Variants in BMAL2 observed in about 807,000 individuals in gnomAD.
The protein encoded by BMAL2 is basic helix-loop-helix ARNT like 2, also known as basic helix-loop-helix ARNT-like protein 2.
chr12:27,358,091 G>A, the BMAL2 span, among the ~76,000 whole-genome samples: 1 of 152,052 alleles, frequency 6.6e-6, no homozygotes, highest in East Asian at 1.9e-4. Flanking sequence ...AGCAAAAGAA[G>A]TAATCAGCAG....
the BMAL2 span, among the ~76,000 whole-genome samples, chr12:27,378,524 G>A: frequency 6.6e-6 from 1 of 152,230 alleles, no homozygotes; most frequent in Non-Finnish European, 1.5e-5. Flanking sequence ...GTGAGGATGA[G>A]CAAGTCTTCA....
the BMAL2 span, among the ~76,000 whole-genome samples, chr12:27,388,803 C>T: frequency 6.6e-6 from 1 of 152,148 alleles, no homozygotes; most frequent in Non-Finnish European, 1.5e-5. Flanking sequence ...GATAAAGTCA[C>T]AGATATTCTG....
At chr12:27,365,712 T>C in the BMAL2 span, among the ~76,000 whole-genome samples, 13 of 139,862 alleles carry the variant, frequency 9.3e-5, no homozygotes, top group Admixed American at 1.4e-4. Flanking sequence ...ATCTCAATTA[T>C]GACCCCAAAT....
chr12:27,384,846 A>G, the BMAL2 span, among the ~76,000 whole-genome samples: 2 of 152,148 alleles, frequency 1.3e-5, no homozygotes, highest in Admixed American at 1.3e-4. Flanking sequence ...GGTAACTGAA[A>G]CCACAGCTAA....
the BMAL2 span, among the ~76,000 whole-genome samples, chr12:27,410,745 TAAA>T: frequency 3.3e-5 from 5 of 151,342 alleles, no homozygotes; most frequent in Admixed American, 2.0e-4. Flanking sequence ...AAAAGTGTAA[TAAA>T]AAAAATAATA....
chr12:27,394,409 C>G, the BMAL2 span: 1 of 152,090 alleles, frequency 6.6e-6, no homozygotes, highest in Non-Finnish European at 1.5e-5. Flanking sequence ...AATTACTTAA[C>G]TTTTTAATAC....
At chr12:27,421,051 T>C in the BMAL2 span, 1 of 152,472 alleles carries the variant, frequency 6.6e-6, no homozygotes, top group African/African-American at 2.4e-5. Context: ...CATAATCACA[T>C]TGAATACTGT....
chr12:27,406,524 C>G, the BMAL2 span, among the ~76,000 whole-genome samples: 1 of 152,138 alleles, frequency 6.6e-6, no homozygotes, highest in Non-Finnish European at 1.5e-5. Context: ...GAATAAAATA[C>G]TTTACAGACA....
At chr12:27,389,925 A>G in the BMAL2 span, 5 of 557,584 alleles carry the variant, frequency 9.0e-6, no homozygotes, top group Non-Finnish European at 1.5e-5. Flanking sequence ...CTTGACAAAT[A>G]CATTTTTTGG....
At chr12:27,335,387 C>T in the BMAL2 span, among the ~76,000 whole-genome samples, 16 of 152,170 alleles carry the variant, frequency 1.1e-4, no homozygotes, top group African/African-American at 3.6e-4. Context: ...GGGAGCAGCA[C>T]ATTTCCAAGA....
At chr12:27,413,539 AC>A in the BMAL2 span, among the ~76,000 whole-genome samples, 1 of 152,208 alleles carries the variant, frequency 6.6e-6, no homozygotes, top group Non-Finnish European at 1.5e-5. Flanking sequence ...ATCAAAGCAT[AC>A]CACTACAAAA....
chr12:27,387,848 C>T, the BMAL2 span, among the ~76,000 whole-genome samples: 1 of 152,118 alleles, frequency 6.6e-6, no homozygotes, highest in African/African-American at 2.4e-5. Context: ...TGAAACTAAC[C>T]CAAGTAAGTG....
chr12:27,357,379 A>G, the BMAL2 span, among the ~76,000 whole-genome samples: 4 of 152,242 alleles, frequency 2.6e-5, no homozygotes, highest in African/African-American at 9.6e-5. Flanking sequence ...ACACTGACAA[A>G]TGGAAACACA....
the BMAL2 span, among the ~76,000 whole-genome samples, chr12:27,342,780 C>G: frequency 5.3e-5 from 8 of 152,208 alleles, no homozygotes; most frequent in Non-Finnish European, 1.2e-4. Context: ...AACAAGTCAC[C>G]GAGGCAACCA....
chr12:27,393,096 A>G, the BMAL2 span, among the ~76,000 whole-genome samples: 4 of 152,144 alleles, frequency 2.6e-5, no homozygotes, highest in African/African-American at 9.7e-5. Context: ...AGCCTTCTCC[A>G]TCTCAAACCC....
At chr12:27,368,023 A>T in the BMAL2 span, among the ~76,000 whole-genome samples, 1 of 151,568 alleles carries the variant, frequency 6.6e-6, no homozygotes, top group African/African-American at 2.4e-5. Context: ...TCTGTACTTT[A>T]ATAGAGATGG....
At chr12:27,404,706 C>T in the BMAL2 span, among the ~76,000 whole-genome samples, 1 of 152,176 alleles carries the variant, frequency 6.6e-6, no homozygotes, top group Non-Finnish European at 1.5e-5. Context: ...TCTGCATTTC[C>T]AGCTGAGGTA....
the BMAL2 span, among the ~76,000 whole-genome samples, chr12:27,407,281 A>C: frequency 6.6e-6 from 1 of 152,390 alleles, no homozygotes; most frequent in South Asian, 2.1e-4. Flanking sequence ...CCGAATCAAC[A>C]GAATATACAT....
At chr12:27,350,849 T>G in the BMAL2 span, among the ~76,000 whole-genome samples, 1 of 151,846 alleles carries the variant, frequency 6.6e-6, no homozygotes, top group Non-Finnish European at 1.5e-5. Flanking sequence ...CTGGCTAATT[T>G]TTGTATTTTT....
Sources: allele counts gnomAD v4.1 joint callset (sites outside exome capture counted in the v4.1 genomes callset), GRCh38; gene constraint gnomAD v4.1.1; transcripts MANE v1.5; gene names NCBI Gene and HGNC (gene_info 2026-07-23, HGNC 2026-07-21).